REDIC1: variants seen among roughly 807,000 people sequenced by gnomAD.
The protein encoded by REDIC1 is HEI10 Interacting Protein 1.
the REDIC1 span, chr12:39,759,769 T>G: frequency 2.4e-6 from 1 of 412,070 alleles, no homozygotes; most frequent in Non-Finnish European, 4.4e-6. Context: ...TTAGACTATT[T>G]CAGGAAGGCA....
At chr12:39,804,705 C>G in the REDIC1 span, among the ~76,000 whole-genome samples, 26 of 152,088 alleles carry the variant, frequency 1.7e-4, no homozygotes, top group Non-Finnish European at 3.1e-4. Context: ...TCTGTCCTCT[C>G]AGAGGACAGA....
the REDIC1 span, among the ~76,000 whole-genome samples, chr12:39,744,216 C>G: frequency 6.6e-6 from 1 of 152,132 alleles, no homozygotes. Context: ...ATCTAAAATT[C>G]TGTATCCTGA....
the REDIC1 span, among the ~76,000 whole-genome samples, chr12:39,900,382 A>C: frequency 6.6e-6 from 1 of 152,160 alleles, no homozygotes; most frequent in African/African-American, 2.4e-5. Context: ...ATATTAGGAA[A>C]AGAGGAAGTC....
At chr12:39,702,361 A>G in the REDIC1 span, among the ~76,000 whole-genome samples, 2 of 152,352 alleles carry the variant, frequency 1.3e-5, no homozygotes, top group Admixed American at 1.3e-4. Flanking sequence ...CTCAACACAT[A>G]CACCCTCCCA....
chr12:39,851,096 C>T, the REDIC1 span, among the ~76,000 whole-genome samples: 1 of 152,052 alleles, frequency 6.6e-6, no homozygotes, highest in Admixed American at 6.6e-5. Context: ...GATGGGGTTT[C>T]ACTATGTTGG....
the REDIC1 span, among the ~76,000 whole-genome samples, chr12:39,712,959 AT>A: frequency 4.7e-5 from 1 of 21,452 alleles, no homozygotes; most frequent in Non-Finnish European, 1.1e-4. Flanking sequence ...ACATATATGC[AT>A]ATACGTGTAT....
the REDIC1 span, among the ~76,000 whole-genome samples, chr12:39,633,174 T>C: frequency 2.0e-5 from 3 of 152,124 alleles, no homozygotes; most frequent in Admixed American, 6.5e-5. Flanking sequence ...TGTTTCATAA[T>C]AACACTTTGC....
At chr12:39,632,478 C>T in the REDIC1 span, among the ~76,000 whole-genome samples, 1 of 151,816 alleles carries the variant, frequency 6.6e-6, no homozygotes, top group African/African-American at 2.4e-5. Flanking sequence ...ATATTTTTGT[C>T]CACAAATAAC....
chr12:39,767,701 C>T, the REDIC1 span, among the ~76,000 whole-genome samples: 1 of 152,022 alleles, frequency 6.6e-6, no homozygotes, highest in African/African-American at 2.4e-5. Context: ...ATTGTAGTTC[C>T]CATAGTCTCC....
chr12:39,639,205 T>C, the REDIC1 span, among the ~76,000 whole-genome samples: 1 of 151,976 alleles, frequency 6.6e-6, no homozygotes, highest in African/African-American at 2.4e-5. Flanking sequence ...TTTTTTTCAT[T>C]TTTCTTTGTA....
the REDIC1 span, among the ~76,000 whole-genome samples, chr12:39,690,795 T>C: frequency 6.6e-6 from 1 of 152,190 alleles, no homozygotes; most frequent in Admixed American, 6.6e-5. Flanking sequence ...GCAGATTTTC[T>C]GATCCATAGC....
chr12:39,902,774 T>G, the REDIC1 span, among the ~76,000 whole-genome samples: 1 of 152,146 alleles, frequency 6.6e-6, no homozygotes, highest in Non-Finnish European at 1.5e-5. Flanking sequence ...AATTTTATAT[T>G]TACATAGTTT....
At chr12:39,837,551 G>A in the REDIC1 span, among the ~76,000 whole-genome samples, 2 of 143,052 alleles carry the variant, frequency 1.4e-5, no homozygotes, top group African/African-American at 2.6e-5. Flanking sequence ...GAGTGAACAG[G>A]CAACCTACAA....
At chr12:39,711,868 C>CATGCATGTGTATATGTGT in the REDIC1 span, among the ~76,000 whole-genome samples, 306 of 56,790 alleles carry the variant, frequency 5.4e-3, 27 homozygotes, top group African/African-American at 0.028. Flanking sequence ...TGTGTATACA[C>CATGCATGTGTATATGTGT]GTATACACAT....
the REDIC1 span, among the ~76,000 whole-genome samples, chr12:39,694,847 CTGCT>C: frequency 2.0e-5 from 3 of 152,142 alleles, no homozygotes; most frequent in Admixed American, 2.0e-4. Context: ...CCCCTTCCCT[CTGCT>C]TGAGGAGAGG....
the REDIC1 span, among the ~76,000 whole-genome samples, chr12:39,883,221 T>A: frequency 2.6e-5 from 4 of 152,112 alleles, no homozygotes; most frequent in East Asian, 1.9e-4. Context: ...AAATTTTTTT[T>A]AAAAAAGTCC....
At chr12:39,711,631 GTGTATATGTGTATACACATGTA>G in the REDIC1 span, among the ~76,000 whole-genome samples, 1 of 47,130 alleles carries the variant, frequency 2.1e-5, no homozygotes. Flanking sequence ...ATACACGTAT[GTGTATATGTGTATACACATGTA>G]TGTATGTCTA....
At chr12:39,769,761 C>G in the REDIC1 span, among the ~76,000 whole-genome samples, 67 of 148,886 alleles carry the variant, frequency 4.5e-4, no homozygotes, top group East Asian at 0.012. Context: ...ATGTTCAACT[C>G]CTCTCATATT....
At chr12:39,677,484 A>G in the REDIC1 span, among the ~76,000 whole-genome samples, 1 of 151,922 alleles carries the variant, frequency 6.6e-6, no homozygotes, top group East Asian at 1.9e-4. Context: ...TAGATGGCAA[A>G]TAATAGTGGG....
Sources: allele counts gnomAD v4.1 joint callset (sites outside exome capture counted in the v4.1 genomes callset), GRCh38; gene constraint gnomAD v4.1.1; transcripts MANE v1.5; gene names NCBI Gene and HGNC (gene_info 2026-07-23, HGNC 2026-07-21).